Variants in TENM3 observed in about 807,000 individuals in gnomAD.
The protein encoded by TENM3 is teneurin transmembrane protein 3.
In TENM3, 63 loss-of-function variants were observed where a neutral mutation model predicts 255.1. That is an observed-to-expected ratio of 0.25 (90% CI 0.20 to 0.30). The LOEUF (loss-of-function observed/expected upper bound fraction) is 0.30. Ranked by LOEUF, TENM3 falls within the 10% of genes least tolerant of loss-of-function variation. The pLI is 1.00. For missense variants in TENM3, 2,929 were observed against 3,461.1 expected (o/e 0.85, Z 3.86); for synonymous variants, 1,306 against 1,322.3 (o/e 0.99, Z 0.27).
the TENM3 span, among the ~76,000 whole-genome samples, chr4:181,489,753 G>A: frequency 7.2e-5 from 11 of 152,006 alleles, no homozygotes; most frequent in Non-Finnish European, 1.5e-4. Flanking sequence ...TAAAATCCAG[G>A]TTTTAAACTT....
chr4:181,810,125 G>C, the TENM3 span, among the ~76,000 whole-genome samples: 3 of 152,164 alleles, frequency 2.0e-5, no homozygotes, highest in Non-Finnish European at 4.4e-5. Context: ...CAATTCATAT[G>C]AAAAGTAACA....
chr4:182,005,265 C>T, the TENM3 span, among the ~76,000 whole-genome samples: 2 of 152,184 alleles, frequency 1.3e-5, no homozygotes, highest in Admixed American at 6.5e-5. Context: ...AGGAAGGGGT[C>T]CGGTTTCAGT....
At chr4:181,526,654 G>T in the TENM3 span, among the ~76,000 whole-genome samples, 3 of 150,984 alleles carry the variant, frequency 2.0e-5, no homozygotes, top group Admixed American at 1.3e-4. Flanking sequence ...TGGTAGTAGT[G>T]GTGGTAGTGA....
chr4:182,658,676 TATC>T (rs1753964103), intron 6 of TENM3, among the ~76,000 whole-genome samples: 1 of 152,240 alleles, frequency 6.6e-6, no homozygotes, highest in Non-Finnish European at 1.5e-5. Flanking sequence ...AAAGCAATGT[TATC>T]ATCTCTTGTG....
At chr4:182,278,630 C>A (rs1385016968) in intron 1 of TENM3, among the ~76,000 whole-genome samples, 4 of 148,990 alleles carry the variant, frequency 2.7e-5, no homozygotes, top group Non-Finnish European at 5.9e-5. Context: ...TGGCTTATCA[C>A]ATGCCCTTTC....
chr4:182,195,576 G>A (rs766606205), intron 1 of TENM3, among the ~76,000 whole-genome samples: 1 of 152,098 alleles, frequency 6.6e-6, no homozygotes, highest in Non-Finnish European at 1.5e-5. Context: ...GGAGGTCAAG[G>A]CTGCAGTGGG....
Position 182,800,672 on chromosome 4 carries a change from C to A in TENM3, c.*321C>A. 1 of 221,896 alleles carries A rather than the reference C, an allele frequency of 4.5e-6. No individual in the cohort carries two copies. The highest frequency in any genetic ancestry group is 5.4e-5 in the Admixed American group (1 of 18,444). The allele number at this position is 221,896 out of a possible 1,614,324, so 13.7% of individuals were successfully genotyped here. On this transcript the variant is annotated 3_prime_UTR_variant, in exon 28 of 28. Coordinates refer to ENST00000511685, the MANE Select transcript of TENM3 (RefSeq NM_001080477.4). ...TGTTCCTTCTAGGCACTGTATTTAA[C>A]TAACTTTAAAAAAGAAAAAAAAATG...
chr4:181,956,738 C>G, the TENM3 span, among the ~76,000 whole-genome samples: 3 of 152,102 alleles, frequency 2.0e-5, no homozygotes. Context: ...AATGTCCCAG[C>G]CAAAAGAAAA....
rs1338136798 is a variant in TENM3 at position 182,190,799 on chromosome 4, G to A, written c.-76+46045G>A. 2.0e-5 allele frequency among the ~76,000 whole-genome samples: 3 copies of A among 152,078 alleles called. No homozygotes were observed. The East Asian group carries it at 5.8e-4, about 29-fold the overall frequency. On this transcript the variant is annotated intron_variant, in intron 1 of 2. Coordinates refer to the TENM3 transcript ENST00000512480. Reference sequence around the variant, plus strand: ...CACACAAAGAAACACATTGAAAATGGGGGCAAGGGGCATTTGAGGATCCTG... The same window carrying A: ...CACACAAAGAAACACATTGAAAATGAGGGCAAGGGGCATTTGAGGATCCTG...
rs187688874 is a variant in TENM3 at position 182,498,682 on chromosome 4, C to T, written c.512-102242C>T. Among the ~76,000 whole-genome samples the T allele has an allele frequency of 2.8e-3, 427 of 151,876 alleles. 1 individual carries two copies. The highest frequency in any genetic ancestry group is 9.5e-3 in the African/African-American group (395 of 41,394). ...CAGCCTGGCAAACATGGTGAAACCC[C>T]GTCTCTACTAAAAATACAGAAAATT... is the stretch of plus-strand genomic sequence containing the variant. On this transcript the variant is annotated intron_variant, in intron 3 of 27. Transcript: ENST00000511685.
chr4:182,515,372 A>G (rs895783609), intron 3 of TENM3, among the ~76,000 whole-genome samples: 1 of 152,198 alleles, frequency 6.6e-6, no homozygotes, highest in Non-Finnish European at 1.5e-5. Context: ...AAAAAAATAG[A>G]TGAGAGTGAT....
intron 3 of TENM3, among the ~76,000 whole-genome samples, chr4:182,347,984 A>T (rs555702587): frequency 1.3e-5 from 2 of 152,322 alleles, no homozygotes; most frequent in Middle Eastern, 6.8e-3. Context: ...TGTAATAGGA[A>T]AGCGGATCTA....
In TENM3 at chr4:182,320,078, A is replaced by G. The variant is rs995681844; in HGVS notation, c.-75-3868A>G. 4.0e-5 allele frequency among the ~76,000 whole-genome samples: 6 copies of G among 151,536 alleles called. No individual in the cohort carries two copies. The East Asian group carries it at 1.2e-3, about 29-fold the overall frequency. ...CAGTGAGCTGAGATTGCACCAGTGC[A>G]ATCCAGCCTGAGTGAAAGAGTGAAA... On this transcript the variant is annotated intron_variant, in intron 1 of 27. Coordinates refer to ENST00000511685, the MANE Select transcript of TENM3 (RefSeq NM_001080477.4).
the TENM3 span, among the ~76,000 whole-genome samples, chr4:181,911,971 T>A: frequency 1.3e-5 from 2 of 152,378 alleles, no homozygotes; most frequent in African/African-American, 4.8e-5. Context: ...AAATAAGGCA[T>A]CTTGCTACAA....
the TENM3 span, among the ~76,000 whole-genome samples, chr4:181,619,579 AT>A: frequency 6.6e-6 from 1 of 151,210 alleles, no homozygotes; most frequent in Non-Finnish European, 1.5e-5. Flanking sequence ...ACACCACCAT[AT>A]TTGGCCAATT....
intron 1 of TENM3, among the ~76,000 whole-genome samples, chr4:182,177,614 A>ATAT (rs889038827): frequency 2.3e-5 from 3 of 132,854 alleles, no homozygotes; most frequent in African/African-American, 5.1e-5. Context: ...ATATATATAT[A>ATAT]TTTTTTTTTT....
At chr4:182,193,165 CT>C (rs767967868) in intron 1 of TENM3, among the ~76,000 whole-genome samples, 40 of 152,130 alleles carry the variant, frequency 2.6e-4, no homozygotes, top group Non-Finnish European at 3.5e-4. Flanking sequence ...TAGGAGGATG[CT>C]GTTGTAGAAA....
At chr4:181,605,547 A>AG in the TENM3 span, among the ~76,000 whole-genome samples, 13 of 28,644 alleles carry the variant, frequency 4.5e-4, no homozygotes, top group Admixed American at 5.4e-4. Flanking sequence ...AGAAAGAAAG[A>AG]AAGAAAGAAA....
the TENM3 span, among the ~76,000 whole-genome samples, chr4:181,822,846 G>C: frequency 6.6e-6 from 1 of 152,134 alleles, no homozygotes; most frequent in East Asian, 1.9e-4. Flanking sequence ...GCAAATAAAA[G>C]GGGAGCTGTA....
Sources: allele counts gnomAD v4.1 joint callset (sites outside exome capture counted in the v4.1 genomes callset), GRCh38; gene constraint gnomAD v4.1.1; transcripts MANE v1.5; gene names NCBI Gene and HGNC (gene_info 2026-07-23, HGNC 2026-07-21).